PUM2: variants seen among roughly 807,000 people sequenced by gnomAD.
The protein encoded by PUM2 is pumilio RNA binding family member 2.
PUM2 carries 57 observed loss-of-function variants against 124.5 expected under a neutral mutation model. The ratio of observed to expected loss-of-function variants is 0.46; its 90% CI spans 0.37 to 0.57. The LOEUF is 0.57. Ranked by LOEUF, PUM2 falls within the 20% of genes least tolerant of loss-of-function variation. The pLI is 0.00. For missense variants in PUM2, 1,065 were observed against 1,290.6 expected, an observed-to-expected ratio of 0.83 and a Z score of 2.68; for synonymous variants, 460 against 446.1, an observed-to-expected ratio of 1.03 and a Z score of -0.39.
At chr2:20,272,020 G>A (rs772003921) in intron 13 of PUM2, among the ~76,000 whole-genome samples, 12 of 152,102 alleles carry the variant, frequency 7.9e-5, no homozygotes, top group Non-Finnish European at 1.2e-4. Context: ...TTAGCTGGGC[G>A]TGCTGGCAGG....
At chr2:20,329,380 C>T (rs1044725194) in intron 1 of PUM2, among the ~76,000 whole-genome samples, 1 of 145,898 alleles carries the variant, frequency 6.9e-6, no homozygotes, top group African/African-American at 2.6e-5. Flanking sequence ...TACAATGAGC[C>T]ATGAGCGTAC....
intron 2 of PUM2, among the ~76,000 whole-genome samples, chr2:20,325,531 GA>G (rs1399239423): frequency 1.3e-5 from 2 of 151,252 alleles, no homozygotes; most frequent in African/African-American, 4.8e-5. Flanking sequence ...TAGAAAGAGT[GA>G]AAAAACACCA....
intron 10 of PUM2, among the ~76,000 whole-genome samples, chr2:20,288,589 G>T (rs1242696563): frequency 6.6e-6 from 1 of 152,094 alleles, no homozygotes; most frequent in Non-Finnish European, 1.5e-5. Flanking sequence ...ATTCAAGACG[G>T]AAAAACAATA....
chr2:20,301,003 A>G (rs1482374371), intron 7 of PUM2, among the ~76,000 whole-genome samples: 1 of 152,230 alleles, frequency 6.6e-6, no homozygotes, highest in Non-Finnish European at 1.5e-5. Flanking sequence ...AAAGAATGCA[A>G]TCATTTGTCT....
intron 2 of PUM2, among the ~76,000 whole-genome samples, chr2:20,320,398 A>G: frequency 6.6e-6 from 1 of 152,338 alleles, no homozygotes; most frequent in South Asian, 2.1e-4. Context: ...TAACTTAAAC[A>G]GCTAAAAAGG....
intron 12 of PUM2, among the ~76,000 whole-genome samples, chr2:20,282,126 C>G (rs892150704): frequency 6.6e-6 from 1 of 152,192 alleles, no homozygotes; most frequent in African/African-American, 2.4e-5. Flanking sequence ...ACCGATAGAA[C>G]TGGGTCAGCT....
intron 8 of PUM2, among the ~76,000 whole-genome samples, chr2:20,296,211 C>CT (rs1328913891): frequency 1.3e-5 from 2 of 152,154 alleles, no homozygotes; most frequent in African/African-American, 2.4e-5. Context: ...AAAAATCAGT[C>CT]TTGGCCGGGC....
rs773558593 is a variant in PUM2, at chr2:20,278,692, G to A, written c.1848C>T (p.Ser616=). 4 of 1,613,446 alleles carry A rather than the reference G, an allele frequency of 2.5e-6. No individual in the cohort carries two copies. Among genetic ancestry groups the A allele is most frequent in the East Asian group, 2.2e-5 (1 of 44,868 alleles). The change falls in exon 13 of 21, where the codon TCC becomes TCT. Residue 616 remains serine, a synonymous_variant. Transcript: ENST00000361078. Reference sequence around the variant, plus strand: ...GCATGCCTATTGGACTTGGAGAGGAGGAAAATCCCAGACTATTGTAAAATG... The same window carrying A: ...GCATGCCTATTGGACTTGGAGAGGAAGAAAATCCCAGACTATTGTAAAATG... ...GQPFYNSLGF[S]SSPSPIGMPL... is the part of the protein sequence containing the mutation.
chr2:20,282,934 AAAAC>A lies in PUM2; in HGVS notation c.1720+9_1720+12del. The A allele has an allele frequency of 6.2e-7, 1 of 1,610,908 alleles. No individual in the cohort carries two copies. Among genetic ancestry groups the A allele is most frequent in the Non-Finnish European group, 8.5e-7 (1 of 1,178,666 alleles). ...CACTTAGCAGAGTACACTCATCGTA[AAAAC>A]AAACTTACCTGATGAACCAAATCCA... On this transcript the variant is annotated intron_variant, in intron 12 of 20. Coordinates refer to ENST00000361078, the MANE Select transcript of PUM2 (RefSeq NM_015317.5).
intron 14 of PUM2, among the ~76,000 whole-genome samples, chr2:20,260,777 T>G (rs1224195773): frequency 6.6e-6 from 1 of 152,204 alleles, no homozygotes; most frequent in Admixed American, 6.5e-5. Context: ...TAATATACAA[T>G]GTATTACTAA....
At chr2:20,296,520 T>C (rs1265151497) in intron 8 of PUM2, among the ~76,000 whole-genome samples, 4 of 150,440 alleles carry the variant, frequency 2.7e-5, no homozygotes, top group Non-Finnish European at 5.9e-5. Flanking sequence ...GTCAGTCTCC[T>C]AGGAAAATAC....
chr2:20,281,888 T>C (rs865936496), intron 12 of PUM2, among the ~76,000 whole-genome samples: 4 of 152,172 alleles, frequency 2.6e-5, no homozygotes, highest in African/African-American at 9.7e-5. Flanking sequence ...TATATATGAA[T>C]GATAAAAGTT....
chr2:20,296,859 CCTTA>C (rs970957873), intron 8 of PUM2, among the ~76,000 whole-genome samples: 9 of 152,160 alleles, frequency 5.9e-5, no homozygotes, highest in South Asian at 2.1e-4. Context: ...CACAACTTTT[CCTTA>C]CTTACACAGA....
chr2:20,327,387 TAAC>T lies in PUM2; in HGVS notation c.-18-12_-18-10del, dbSNP rs1683933029. 2 of 1,521,180 alleles carry T rather than the reference TAAC, an allele frequency of 1.3e-6. No homozygotes were observed. Among genetic ancestry groups the T allele is most frequent in the Non-Finnish European group, 1.8e-6 (2 of 1,111,258 alleles). The allele number at this position is 1,521,180 out of a possible 1,614,324, so 94.2% of individuals were successfully genotyped here. On this transcript the variant is annotated splice_polypyrimidine_tract_variant and intron_variant, in intron 1 of 20. Coordinates refer to ENST00000361078, the MANE Select transcript of PUM2 (RefSeq NM_015317.5). ...TCATCCACAGATCAAACCTGTTGAA[TAAC>T]AAAAACAAAAATTAGTACAAAGAAA...
intron 16 of PUM2, among the ~76,000 whole-genome samples, chr2:20,256,511 A>G (rs1275838118): frequency 6.6e-6 from 1 of 152,194 alleles, no homozygotes; most frequent in Non-Finnish European, 1.5e-5. Flanking sequence ...TCATCCGCTA[A>G]TATTTATCGG....
chr2:20,342,149 G>T (rs1392094212), intron 1 of PUM2, among the ~76,000 whole-genome samples: 1 of 147,858 alleles, frequency 6.8e-6, no homozygotes, highest in South Asian at 2.2e-4. Context: ...AAAAAAGAAA[G>T]AAAAAGAAAT....
At position 20,282,960 on chromosome 2, in the gene PUM2, T is replaced by G; in HGVS notation, c.1707A>C (p.Gly569=). 1 of 1,613,080 alleles carries G rather than the reference T, an allele frequency of 6.2e-7. No individual in the cohort carries two copies. The change falls in exon 12 of 21, where the codon GGA becomes GGC. Residue 569 remains glycine, a synonymous_variant. Coordinates refer to ENST00000361078, the MANE Select transcript of PUM2 (RefSeq NM_015317.5). ...AAACAAACTTACCTGATGAACCAAA[T>G]CCACTGAGGGCTGAGCCTATAGCAG... ...LGAAIGSALS[G]FGSSVGSSAS...
intron 2 of PUM2, among the ~76,000 whole-genome samples, chr2:20,320,618 G>A (rs1682095793): frequency 6.6e-6 from 1 of 151,398 alleles, no homozygotes; most frequent in East Asian, 1.9e-4. Context: ...GTTTTTAAAT[G>A]CTAGGATGGC....
intron 2 of PUM2, among the ~76,000 whole-genome samples, chr2:20,324,943 A>AG (rs2148827143): frequency 6.6e-6 from 1 of 152,192 alleles, no homozygotes; most frequent in East Asian, 1.9e-4. Flanking sequence ...TGCATTAAAA[A>AG]AAAAAAAAAG....
Sources: gnomAD v4.1 joint callset for allele counts (sites outside exome capture counted in the v4.1 genomes callset) on GRCh38, gnomAD v4.1.1 for gene constraint, MANE v1.5 for transcripts, NCBI Gene and HGNC (gene_info 2026-07-23, HGNC 2026-07-21) for gene names.